Variants in CYTH1 observed in about 807,000 individuals in gnomAD.
CYTH1 encodes the protein cytohesin 1.
CYTH1 carries 18 observed loss-of-function variants against 61.8 expected under a neutral mutation model. That is an observed-to-expected ratio of 0.29 (90% confidence interval 0.20 to 0.43). The LOEUF is 0.43. CYTH1 is among the 20% of genes least tolerant of loss of function. CYTH1 has a pLI of 1.00. For missense variants in CYTH1, 336 were observed against 510.5 expected, an observed-to-expected ratio of 0.66 and a Z score of 3.29; for synonymous variants, 174 against 184.3, an observed-to-expected ratio of 0.94 and a Z score of 0.45.
intron 1 of CYTH1, among the ~76,000 whole-genome samples, chr17:78,755,007 A>C (rs2093394957): frequency 6.6e-6 from 1 of 152,108 alleles, no homozygotes; most frequent in African/African-American, 2.4e-5. Context: ...CTCATACATG[A>C]ATGTTCCCAG....
chr17:78,740,200 T>G (rs2093336939), intron 1 of CYTH1, among the ~76,000 whole-genome samples: 1 of 152,172 alleles, frequency 6.6e-6, no homozygotes, highest in Non-Finnish European at 1.5e-5. Flanking sequence ...CCTCCCAAAG[T>G]GCTGAGATTA....
At chr17:78,764,532 C>A (rs2093440828) in intron 1 of CYTH1, among the ~76,000 whole-genome samples, 1 of 152,094 alleles carries the variant, frequency 6.6e-6, no homozygotes, top group South Asian at 2.1e-4. Flanking sequence ...AACTTCCCAG[C>A]AAGTCAACAG....
At chr17:78,741,769 T>C (rs945886034) in intron 1 of CYTH1, among the ~76,000 whole-genome samples, 1 of 152,072 alleles carries the variant, frequency 6.6e-6, no homozygotes, top group African/African-American at 2.4e-5. Context: ...CACCCTTGCG[T>C]CTCCTGGTCA....
Position 78,702,444 on chromosome 17 carries a change from G to T in CYTH1, c.237+94C>A. ...GCTCTACAAAACGGCAACATGAACT[G>T]TAACGCTTGGAAAAAAACGTTTTTA... On this transcript the variant is annotated intron_variant, in intron 4 of 13. Transcript: ENST00000446868. The T allele has an allele frequency of 3.7e-6, 5 of 1,362,320 alleles. No homozygotes were observed. In the South Asian group the frequency reaches 6.2e-5, roughly 17 times the overall value. 84.4% of individuals were successfully genotyped at this position (1,362,320 alleles called of 1,614,324 possible).
intron 1 of CYTH1, among the ~76,000 whole-genome samples, chr17:78,752,589 C>T (rs1377546727): frequency 6.6e-6 from 1 of 152,112 alleles, no homozygotes; most frequent in Non-Finnish European, 1.5e-5. Context: ...CGCGCCACCA[C>T]GCACAGCTAA....
At chr17:78,684,363 T>C (rs1055805457) in intron 11 of CYTH1, among the ~76,000 whole-genome samples, 1 of 152,110 alleles carries the variant, frequency 6.6e-6, no homozygotes, top group Non-Finnish European at 1.5e-5. Flanking sequence ...CAATGTAAAA[T>C]CCCAAATATT....
chr17:78,699,872 C>T (rs892434115), intron 7 of CYTH1, among the ~76,000 whole-genome samples: 1 of 152,166 alleles, frequency 6.6e-6, no homozygotes, highest in Non-Finnish European at 1.5e-5. Flanking sequence ...TGCGTGTAGT[C>T]GTAAACTCTT....
At chr17:78,687,085 T>A (rs999899951) in intron 11 of CYTH1, among the ~76,000 whole-genome samples, 2 of 152,024 alleles carry the variant, frequency 1.3e-5, no homozygotes, top group Non-Finnish European at 2.9e-5. Flanking sequence ...CCAGCCTACA[T>A]TACATTTATT....
At chr17:78,729,811 C>T (rs1342846353) in intron 1 of CYTH1, among the ~76,000 whole-genome samples, 17 of 152,292 alleles carry the variant, frequency 1.1e-4, no homozygotes, top group Middle Eastern at 3.4e-3. Context: ...GTAACACCTA[C>T]GCTTGCTAAA....
At chr17:78,685,396 C>T (rs556855137) in intron 11 of CYTH1, among the ~76,000 whole-genome samples, 1 of 152,020 alleles carries the variant, frequency 6.6e-6, no homozygotes, top group Non-Finnish European at 1.5e-5. Flanking sequence ...ATTCATGGTA[C>T]GTCCTGCAGC....
At chr17:78,725,122 G>A (rs1047588401) in intron 1 of CYTH1, among the ~76,000 whole-genome samples, 5 of 152,102 alleles carry the variant, frequency 3.3e-5, no homozygotes, top group East Asian at 1.9e-4. Context: ...CCACTTTCCC[G>A]GGATCCACCA....
At chr17:78,711,285 TA>T (rs2093127360) in intron 1 of CYTH1, among the ~76,000 whole-genome samples, 3 of 122,102 alleles carry the variant, frequency 2.5e-5, no homozygotes, top group Non-Finnish European at 5.2e-5. Context: ...AATAAATAAA[TA>T]AATAAATAAA....
intron 1 of CYTH1, among the ~76,000 whole-genome samples, chr17:78,713,081 T>TA (rs141001797): frequency 1.3e-5 from 2 of 148,678 alleles, no homozygotes; most frequent in Non-Finnish European, 1.5e-5. Context: ...CTCCCAACAT[T>TA]AAAAAATATA....
chr17:78,760,353 G>GTT (rs1380290722), intron 1 of CYTH1, among the ~76,000 whole-genome samples: 23 of 58,290 alleles, frequency 3.9e-4, no homozygotes, highest in African/African-American at 1.3e-3. Context: ...CAAATAGCAG[G>GTT]TTTATATATA....
chr17:78,720,344 A>G (rs999872253), intron 1 of CYTH1, among the ~76,000 whole-genome samples: 2 of 152,056 alleles, frequency 1.3e-5, no homozygotes, highest in African/African-American at 4.8e-5. Flanking sequence ...TTTGAGATGG[A>G]GTCTTGCTCT....
At chr17:78,707,865 G>C (rs1205633379) in intron 3 of CYTH1, among the ~76,000 whole-genome samples, 8 of 152,076 alleles carry the variant, frequency 5.3e-5, no homozygotes, top group Non-Finnish European at 1.0e-4. Context: ...ATTTTGAGTA[G>C]AGACAGGGTT....
chr17:78,746,444 C>A (rs934209174), intron 1 of CYTH1, among the ~76,000 whole-genome samples: 1 of 152,198 alleles, frequency 6.6e-6, no homozygotes, highest in African/African-American at 2.4e-5. Context: ...AGGCCACTTT[C>A]CCACAAGGAG....
At chr17:78,727,652 A>C (rs1486760813) in intron 1 of CYTH1, 1 of 470,984 alleles carries the variant, frequency 2.1e-6, no homozygotes, top group South Asian at 1.5e-5. Flanking sequence ...CCCTGCCTCC[A>C]CCTACCAGCA....
intron 1 of CYTH1, among the ~76,000 whole-genome samples, chr17:78,775,212 C>G (rs1465982927): frequency 6.6e-6 from 1 of 152,210 alleles, no homozygotes; most frequent in African/African-American, 2.4e-5. Context: ...CCCTGACAGT[C>G]TCCTGTGGCC....
Sources: allele counts gnomAD v4.1 joint callset (sites outside exome capture counted in the v4.1 genomes callset), GRCh38; gene constraint gnomAD v4.1.1; transcripts MANE v1.5; gene names NCBI Gene and HGNC (gene_info 2026-07-23, HGNC 2026-07-21).